The following LSMEM2 variants were observed in gnomAD, a reference collection of about 807,000 sequenced individuals.
LSMEM2 encodes leucine-rich single-pass membrane protein 2.
A neutral mutation model predicts 17.3 loss-of-function variants in LSMEM2; 20 were observed. The observed-to-expected ratio is 1.16, with a 90% CI of 0.81 to 1.68. LSMEM2 has a LOEUF of 1.68. Among genes scored for constraint, LSMEM2 ranks in the 40% most tolerant of loss-of-function variants. The pLI, the probability that LSMEM2 is intolerant of heterozygous loss-of-function variation, is 0.00. For missense variants in LSMEM2, 207 were observed against 214.3 expected (o/e 0.97, Z 0.21); for synonymous variants, 94 against 97.8 (o/e 0.96, Z 0.23).
At chr3:50,279,283 C>T (rs773920883) in intron 1 of LSMEM2, 112 bp downstream of exon 1, 3 of 986,034 alleles carry the variant, frequency 3.0e-6, no homozygotes, top group African/African-American at 1.6e-5. Flanking sequence ...TAGTTAGTTA[C>T]CCATTTTCAT....
chr3:50,288,035 T>G lies in LSMEM2; in HGVS notation c.*833T>G. 1.5e-6 allele frequency: 1 copy of G among 659,468 alleles called. No individual in the cohort carries two copies. Among genetic ancestry groups the G allele is most frequent in the Non-Finnish European group, 2.7e-6 (1 of 369,200 alleles). 40.9% of individuals were successfully genotyped at this position (659,468 alleles called of 1,614,324 possible). A position where few individuals can be genotyped will look rare whatever the true frequency, so the allele number is the denominator to read the frequency against. On this transcript the variant is annotated 3_prime_UTR_variant, in exon 4 of 4. Transcript: ENST00000316436. ...GGGACAAAGGGGTCAGGGTCCCAAG[T>G]GTCCGGGCCCCCAGCTACCCACCCC...
chr3:50,286,591 G>C lies in LSMEM2; in HGVS notation c.172+7G>C. On this transcript the variant is annotated splice_region_variant and intron_variant, in intron 2 of 3. Coordinates refer to ENST00000316436, the MANE Select transcript of LSMEM2 (RefSeq NM_153215.3). ...AGCGACCTACATAGTGGAGGTGAGT[G>C]GGGACAGTGGGGTGGATGATGTGCT... The C allele has an allele frequency of 6.2e-7, 1 of 1,611,480 alleles. No homozygotes were observed. The highest frequency in any genetic ancestry group is 8.5e-7 in the Non-Finnish European group (1 of 1,178,762).
chr3:50,287,242 G>T lies in LSMEM2; in HGVS notation c.*40G>T, dbSNP rs1319217375. 1.2e-6 allele frequency: 2 copies of T among 1,609,946 alleles called. No homozygotes were observed. Among genetic ancestry groups the T allele is most frequent in the Admixed American group, 1.7e-5 (1 of 59,764 alleles). On this transcript the variant is annotated 3_prime_UTR_variant, in exon 4 of 4. Coordinates refer to ENST00000316436, the MANE Select transcript of LSMEM2 (RefSeq NM_153215.3). ...CTGGGGCCTGGGGGTGTGTGTTGGT[G>T]GGGGAATAAAGTGGCTATGGGCAGG...
intron 1 of LSMEM2, 93 bp from the exon 2 acceptor site, chr3:50,286,378 T>TATC: frequency 6.8e-7 from 1 of 1,475,176 alleles, no homozygotes; most frequent in Admixed American, 2.4e-5. Context: ...CCACTATCCC[T>TATC]ATCATCCGCA....
chr3:50,287,041 CTGA>C (rs1553708653), intron 3 of LSMEM2, 25 bp from the exon 4 acceptor site: 2 of 1,612,852 alleles, frequency 1.2e-6, no homozygotes, highest in Admixed American at 3.3e-5. Flanking sequence ...GGCACATGGT[CTGA>C]TGATCCCCCA....
chr3:50,284,596 G>C (rs1356823006), intron 1 of LSMEM2, among the ~76,000 whole-genome samples: 3 of 152,128 alleles, frequency 2.0e-5, no homozygotes, highest in African/African-American at 7.2e-5. Flanking sequence ...AACTGGGCAT[G>C]GTAGTGCATG....
rs782774327 is a variant in LSMEM2 at position 50,286,733 on chromosome 3, G to GTT, written c.235_236dup (p.Leu79PhefsTer33). The GTT allele has an allele frequency of 6.2e-7, 1 of 1,614,216 alleles. No individual in the cohort carries two copies. Among genetic ancestry groups the GTT allele is most frequent in the South Asian group, 1.1e-5 (1 of 91,086 alleles). On this transcript the variant is annotated frameshift_variant, in exon 3 of 4. Transcript: ENST00000316436. LOFTEE classifies it high-confidence loss of function. The stretch of plus-strand genomic sequence containing the variant: ...ACGACCGTGGGATGAGCTGCTGGGC[G>GTT]TTTTGCCGCCGTCACTGTGTGCCCA...
intron 1 of LSMEM2, among the ~76,000 whole-genome samples, chr3:50,279,412 G>A (rs1391583467): frequency 3.3e-5 from 5 of 152,226 alleles, no homozygotes; most frequent in African/African-American, 1.2e-4. Context: ...ATCAAGGAGG[G>A]ATGGGAGAAG....
chr3:50,287,132 T>A lies in LSMEM2; in HGVS notation c.425T>A (p.Leu142His), dbSNP rs781858765. The change falls in exon 4 of 4, where the codon CTC becomes CAC. Residue 142 changes from leucine (L) to histidine (H), a missense_variant. Transcript: ENST00000316436. Reference protein sequence around the residue: ...HTLRTQEETLLKLRLASLSQL... With the variant: ...HTLRTQEETLHKLRLASLSQL... ...CTCCGCACGCAGGAGGAGACACTACTCAAACTCCGCTTGGCCAGCCTCAGC... is the reference window on the plus strand; with the variant it reads ...CTCCGCACGCAGGAGGAGACACTACACAAACTCCGCTTGGCCAGCCTCAGC... 6.2e-7 allele frequency: 1 copy of A among 1,614,034 alleles called. No homozygotes were observed. Among genetic ancestry groups the A allele is most frequent in the Non-Finnish European group, 8.5e-7 (1 of 1,180,014 alleles).
upstream of LSMEM2, chr3:50,278,922 C>T (rs1701331067): frequency 1.6e-6 from 1 of 609,438 alleles, no homozygotes; most frequent in Non-Finnish European, 2.9e-6. Context: ...TGGCTGGCTC[C>T]CTCACCAGGT....
At chr3:50,282,507 C>A (rs1701425154) in intron 1 of LSMEM2, among the ~76,000 whole-genome samples, 1 of 152,248 alleles carries the variant, frequency 6.6e-6, no homozygotes, top group African/African-American at 2.4e-5. Context: ...CTACTGTTAT[C>A]AGCTTCCAGG....
intron 1 of LSMEM2, among the ~76,000 whole-genome samples, chr3:50,283,182 TCAAAAA>T (rs1267958079): frequency 2.3e-4 from 34 of 149,200 alleles, no homozygotes; most frequent in African/African-American, 7.7e-4. Context: ...AGATTCTGTC[TCAAAAA>T]CAAACAAACA....
At chr3:50,284,252 C>T (rs1701467617) in intron 1 of LSMEM2, among the ~76,000 whole-genome samples, 1 of 150,994 alleles carries the variant, frequency 6.6e-6, no homozygotes, top group African/African-American at 2.4e-5. Flanking sequence ...AGTCACACTC[C>T]CTAGGCTAAG....
chr3:50,287,359 C>T lies in LSMEM2; in HGVS notation c.*157C>T, dbSNP rs1384023626. 8.0e-6 allele frequency: 8 copies of T among 997,646 alleles called. No homozygotes were observed. In the East Asian group the frequency reaches 1.8e-4, roughly 23 times the overall value. The allele number at this position is 997,646 out of a possible 1,614,324, so 61.8% of individuals were successfully genotyped here. ...CCTGTTGTTAACTTAATGGCTGCCT[C>T]CCTCTCCTGATCTCTTCAAGCCAGG... is the stretch of plus-strand genomic sequence containing the variant. On this transcript the variant is annotated 3_prime_UTR_variant, in exon 4 of 4. Coordinates refer to ENST00000316436, the MANE Select transcript of LSMEM2 (RefSeq NM_153215.3).
upstream of LSMEM2, chr3:50,279,046 G>A: frequency 3.2e-6 from 5 of 1,546,854 alleles, no homozygotes; most frequent in Non-Finnish European, 4.5e-6. Flanking sequence ...GCCAAGGCTG[G>A]GAGGCAGCCA....
At chr3:50,283,969 G>T (rs1455489083) in intron 1 of LSMEM2, among the ~76,000 whole-genome samples, 2 of 152,182 alleles carry the variant, frequency 1.3e-5, no homozygotes, top group Non-Finnish European at 2.9e-5. Flanking sequence ...ACTTTGGGAG[G>T]CCAAGGCGGG....
intron 1 of LSMEM2, among the ~76,000 whole-genome samples, chr3:50,285,662 A>C (rs1701501172): frequency 6.6e-6 from 1 of 152,126 alleles, no homozygotes; most frequent in Non-Finnish European, 1.5e-5. Context: ...AACAAACAAA[A>C]ATCCCTGCTC....
upstream of LSMEM2, chr3:50,279,002 A>T: frequency 8.9e-7 from 1 of 1,122,504 alleles, no homozygotes; most frequent in Non-Finnish European, 1.3e-6. Flanking sequence ...CCCTCTAAAT[A>T]TAGCCCAGTG....
chr3:50,278,233 C>CT (rs1337465877), upstream of LSMEM2, among the ~76,000 whole-genome samples: 2 of 152,314 alleles, frequency 1.3e-5, no homozygotes, highest in African/African-American at 2.4e-5. Context: ...TTTGCCCCCA[C>CT]TGGGAAGGAA....
Sources: allele counts gnomAD v4.1 joint callset (sites outside exome capture counted in the v4.1 genomes callset), GRCh38; gene constraint gnomAD v4.1.1; transcripts MANE v1.5; gene names NCBI Gene and HGNC (gene_info 2026-07-23, HGNC 2026-07-21).